Variants in SOX5 observed in about 807,000 individuals in gnomAD.
SOX5 encodes SRY-box transcription factor 5.
In SOX5, 9 loss-of-function variants were observed where a neutral mutation model predicts 92.0. The observed-to-expected ratio is 0.10, with a 90% CI of 0.06 to 0.17. SOX5 has a LOEUF of 0.17. Ranked by LOEUF, SOX5 falls within the 10% of genes least tolerant of loss-of-function variation. The pLI, the probability that SOX5 is intolerant of heterozygous loss-of-function variation, is 1.00. For synonymous variants in SOX5, 344 were observed against 336.3 expected (o/e 1.02, Z -0.25); for missense variants, 642 against 944.5 (o/e 0.68, Z 4.20).
chr12:23,614,450 G>T (rs2076315712), intron 8 of SOX5, among the ~76,000 whole-genome samples: 1 of 152,158 alleles, frequency 6.6e-6, no homozygotes, highest in Admixed American at 6.5e-5. Flanking sequence ...CTTTCACTTA[G>T]CGTAACATTT....
intron 2 of SOX5, among the ~76,000 whole-genome samples, chr12:24,345,995 C>T (rs572510328): frequency 6.6e-6 from 1 of 152,330 alleles, no homozygotes; most frequent in East Asian, 1.9e-4. Flanking sequence ...ATCACTCACA[C>T]TACCCTGTCT....
chr12:24,258,644 G>C (rs1941616797), intron 3 of SOX5, among the ~76,000 whole-genome samples: 1 of 152,112 alleles, frequency 6.6e-6, no homozygotes, highest in Non-Finnish European at 1.5e-5. Context: ...TAAGGTCTAT[G>C]GAATTGTGGA....
chr12:24,099,527 G>C (rs1261739437), intron 4 of SOX5, among the ~76,000 whole-genome samples: 2 of 152,246 alleles, frequency 1.3e-5, no homozygotes, highest in Admixed American at 6.5e-5. Context: ...CACAGTAAGA[G>C]GGTGTGACAT....
intron 2 of SOX5, among the ~76,000 whole-genome samples, chr12:24,297,236 T>C (rs1167437047): frequency 6.6e-6 from 1 of 152,206 alleles, no homozygotes; most frequent in Non-Finnish European, 1.5e-5. Context: ...CCAGGAGGCT[T>C]ATCTAATGTA....
At chr12:24,414,765 C>T (rs1317846726) in intron 1 of SOX5, among the ~76,000 whole-genome samples, 2 of 152,228 alleles carry the variant, frequency 1.3e-5, no homozygotes, top group African/African-American at 4.8e-5. Flanking sequence ...CATTCTTAGA[C>T]TGTTGTTTTT....
At chr12:23,786,648 A>G (rs1267274457) in intron 3 of SOX5, among the ~76,000 whole-genome samples, 1 of 147,050 alleles carries the variant, frequency 6.8e-6, no homozygotes, top group African/African-American at 2.5e-5. Flanking sequence ...AAGAAATTGT[A>G]ACAATAGCGT....
intron 4 of SOX5, among the ~76,000 whole-genome samples, chr12:24,011,216 TAAAAA>T (rs149016825): frequency 6.6e-6 from 1 of 151,780 alleles, no homozygotes; most frequent in Non-Finnish European, 1.5e-5. Flanking sequence ...TTAATCAAAT[TAAAAA>T]AAATAGAAAA....
At chr12:23,755,819 A>T in intron 3 of SOX5, 95 bp from the exon 4 acceptor site, 1 of 732,714 alleles carries the variant, frequency 1.4e-6, no homozygotes, top group African/African-American at 1.9e-5. Context: ...GGCCATCCCT[A>T]TCCCAGCCCC....
intron 4 of SOX5, among the ~76,000 whole-genome samples, chr12:24,125,229 G>A (rs1471993472): frequency 2.0e-5 from 3 of 152,250 alleles, no homozygotes; most frequent in African/African-American, 7.2e-5. Flanking sequence ...TAAAGATCTC[G>A]AAGACATAAA....
intron 3 of SOX5, among the ~76,000 whole-genome samples, chr12:23,782,193 T>A (rs74959456): frequency 0.011 from 1,644 of 152,208 alleles, 33 homozygotes; most frequent in African/African-American, 0.038. Flanking sequence ...TATGTCATAT[T>A]GATATTTCTT....
intron 9 of SOX5, among the ~76,000 whole-genome samples, chr12:23,582,873 C>T (rs993932338): frequency 6.6e-6 from 1 of 151,922 alleles, no homozygotes; most frequent in Admixed American, 6.6e-5. Context: ...AATTTGCTGG[C>T]CCTTAATTAA....
chr12:23,955,581 A>G (rs955464199), upstream of SOX5, among the ~76,000 whole-genome samples: 1 of 152,186 alleles, frequency 6.6e-6, no homozygotes, highest in Non-Finnish European at 1.5e-5. Flanking sequence ...AATTAGGAAA[A>G]TAAGACCTAC....
At chr12:23,643,047 A>T (rs1347913897) in intron 7 of SOX5, among the ~76,000 whole-genome samples, 43 of 136,372 alleles carry the variant, frequency 3.2e-4, no homozygotes, top group African/African-American at 1.2e-3. Context: ...AGATCCCGCC[A>T]CTGCACTCCA....
chr12:23,824,433 G>A (rs945334313), intron 3 of SOX5, among the ~76,000 whole-genome samples: 3 of 152,196 alleles, frequency 2.0e-5, no homozygotes, highest in Non-Finnish European at 4.4e-5. Context: ...TGTTTGCCTG[G>A]TTATCACCAG....
chr12:24,056,047 T>A (rs538229762), intron 4 of SOX5, among the ~76,000 whole-genome samples: 1 of 152,306 alleles, frequency 6.6e-6, no homozygotes, highest in Admixed American at 6.5e-5. Context: ...CACACCTTTT[T>A]TAAACATCGT....
chr12:24,070,021 G>T (rs543910905), intron 4 of SOX5, among the ~76,000 whole-genome samples: 1 of 152,032 alleles, frequency 6.6e-6, no homozygotes, highest in Non-Finnish European at 1.5e-5. Context: ...GTCAACAACC[G>T]GGGAGAGCGC....
At chr12:24,365,922 G>A (rs944716146) in intron 2 of SOX5, among the ~76,000 whole-genome samples, 2 of 151,962 alleles carry the variant, frequency 1.3e-5, no homozygotes, top group Non-Finnish European at 2.9e-5. Context: ...ACAAAATGAT[G>A]TAACTTGCTT....
chr12:24,242,268 T>C (rs2030510), intron 3 of SOX5, among the ~76,000 whole-genome samples: 71,194 of 151,992 alleles, frequency 0.47, 17,236 homozygotes, highest in Non-Finnish European at 0.52. Flanking sequence ...AATGTTTAAC[T>C]TGGTTATGGC....
intron 4 of SOX5, among the ~76,000 whole-genome samples, chr12:24,159,761 T>C (rs1471448471): frequency 6.6e-6 from 1 of 152,016 alleles, no homozygotes; most frequent in Non-Finnish European, 1.5e-5. Context: ...AACACTCAAA[T>C]ATGAGTAATT....
Sources: allele counts gnomAD v4.1 joint callset (sites outside exome capture counted in the v4.1 genomes callset), GRCh38; gene constraint gnomAD v4.1.1; transcripts MANE v1.5; gene names NCBI Gene and HGNC (gene_info 2026-07-23, HGNC 2026-07-21).